Variants in SQSTM1 observed in about 807,000 individuals in gnomAD.
SQSTM1 encodes sequestosome-1.
In SQSTM1, 36 loss-of-function variants were observed where a neutral mutation model predicts 45.1. The observed-to-expected ratio is 0.80, with a 90% confidence interval of 0.61 to 1.05. The LOEUF (loss-of-function observed/expected upper bound fraction) is 1.05, where lower values mean the gene tolerates loss of function less well. Among genes scored for constraint, SQSTM1 ranks in the 50% least tolerant of loss-of-function variants. The pLI, the probability that SQSTM1 is intolerant of heterozygous loss-of-function variation, is 0.00. For synonymous variants in SQSTM1, 290 were observed against 244.3 expected, an observed-to-expected ratio of 1.19 and a Z score of -1.74; for missense variants, 617 against 607.1, an observed-to-expected ratio of 1.02 and a Z score of -0.17.
At position 179,806,534 on chromosome 5, in the gene SQSTM1, C is replaced by T; in HGVS notation, c.-214C>T. On this transcript the variant is annotated 5_prime_UTR_variant, in exon 1 of 6. Transcript: ENST00000514093. This position sits in a 1 kb window ranked among gnomAD's most constrained non-coding sequence, Gnocchi z 4.6. ...GTACCAGGACAGCGAGAGGAAGGCG[C>T]ACAGGCAGAAGAGCAGCAGCGTCAG... 2.2e-6 allele frequency: 3 copies of T among 1,339,000 alleles called. No homozygotes were observed. The highest frequency in any genetic ancestry group is 4.3e-5 in the East Asian group (1 of 23,468). 82.9% of individuals were successfully genotyped at this position (1,339,000 alleles called of 1,614,324 possible).
Position 179,833,165 on chromosome 5 carries a change from G to C in SQSTM1, c.888G>C (p.Pro296=), listed in dbSNP as rs148984239. 1.2e-6 allele frequency: 2 copies of C among 1,614,058 alleles called. No homozygotes were observed. The highest frequency in any genetic ancestry group is 1.7e-6 in the Non-Finnish European group (2 of 1,179,976). ...GCTGCTGCTCTGACCCCAGCAAGCC[G>C]GGTGGGAATGTTGAGGGCGCCACGC... ...PSSCCSDPSK[P]GGNVEGATQS... is the part of the protein sequence containing the mutation. Residue 296 remains proline, a synonymous_variant, in exon 6 of 8, where the codon CCG becomes CCC. Transcript: ENST00000389805.
chr5:179,827,679 A>T (rs973955689), intron 5 of SQSTM1, among the ~76,000 whole-genome samples: 2 of 152,244 alleles, frequency 1.3e-5, no homozygotes, highest in African/African-American at 4.8e-5. Context: ...CAAACAAGGA[A>T]TATTTCAGTA....
upstream of SQSTM1, among the ~76,000 whole-genome samples, chr5:179,819,338 GT>G (rs1757686435): frequency 1.4e-5 from 1 of 69,318 alleles, no homozygotes; most frequent in Admixed American, 1.6e-4. Context: ...CCCCCCCCCA[GT>G]CTCTTCACAT....
chr5:179,830,545 A>G (rs1256851299), intron 5 of SQSTM1, among the ~76,000 whole-genome samples: 2 of 146,412 alleles, frequency 1.4e-5, no homozygotes, highest in Non-Finnish European at 3.0e-5. Context: ...CTGTGCCTAG[A>G]TATTTTTTTT....
In SQSTM1 at chr5:179,834,021, A is replaced by G. The variant is rs183956614; in HGVS notation, c.1165+239A>G. 1.6e-3 allele frequency among the ~76,000 whole-genome samples: 241 copies of G among 152,130 alleles called. 1 individual carries two copies. The highest frequency in any genetic ancestry group is 2.8e-3 in the Non-Finnish European group (187 of 67,978). On this transcript the variant is annotated intron_variant, in intron 7 of 7. Transcript: ENST00000389805. ...CTTTAGGCAAACTCCAGAGCCAGGA[A>G]TATTAATTGTAGGAGTTTCTAAAAC...
intron 2 of SQSTM1, chr5:179,813,228 C>T (rs1757484178): frequency 6.6e-6 from 1 of 152,198 alleles, no homozygotes; most frequent in African/African-American, 2.4e-5. Flanking sequence ...ACATTGACCT[C>T]CTCACTGTCT....
intron 7 of SQSTM1, chr5:179,836,051 T>C (rs551358342): frequency 2.9e-6 from 1 of 340,382 alleles, no homozygotes; most frequent in Non-Finnish European, 5.7e-6. Context: ...CTTGTATCCA[T>C]TCATCTCTCT....
At chr5:179,809,934 G>A (rs1429086162) in intron 1 of SQSTM1, among the ~76,000 whole-genome samples, 1 of 151,512 alleles carries the variant, frequency 6.6e-6, no homozygotes, top group Non-Finnish European at 1.5e-5. Context: ...GTGAGCCACC[G>A]GCGGCGCCCA....
intron 5 of SQSTM1, among the ~76,000 whole-genome samples, chr5:179,829,814 C>T (rs1582015992): frequency 6.6e-6 from 1 of 152,144 alleles, no homozygotes; most frequent in African/African-American, 2.4e-5. Flanking sequence ...AGTTTCTTGG[C>T]ACCAGGCATG....
chr5:179,833,896 T>C (rs1004666702), intron 7 of SQSTM1, 114 bp downstream of exon 7: 1 of 1,178,842 alleles, frequency 8.5e-7, no homozygotes, highest in Non-Finnish European at 1.2e-6. Context: ...ACTGCAGGGC[T>C]GTCTGTAGGT....
intron 5 of SQSTM1, among the ~76,000 whole-genome samples, chr5:179,832,815 G>A (rs779058975): frequency 3.9e-5 from 6 of 152,070 alleles, no homozygotes; most frequent in East Asian, 3.9e-4. Flanking sequence ...GGTTTGTATC[G>A]TCTGGTCCCA....
At chr5:179,811,884 A>C (rs541022493) in intron 2 of SQSTM1, 1 of 152,266 alleles carries the variant, frequency 6.6e-6, no homozygotes, top group South Asian at 2.1e-4. Flanking sequence ...GGCTCACTGC[A>C]AGCTCCACCT....
In SQSTM1 at chr5:179,836,636, T is replaced by G. The variant is rs370200075; in HGVS notation, c.*43T>G. ...TTCTGCGTGCCCCTCTTCTGTCTCA[T>G]AGTTGTGTTAAGCTTGCGTAGAATT... On this transcript the variant is annotated 3_prime_UTR_variant, in exon 8 of 8. Coordinates refer to ENST00000389805, the MANE Select transcript of SQSTM1 (RefSeq NM_003900.5). 23 of 1,613,890 alleles carry G rather than the reference T, an allele frequency of 1.4e-5. No homozygotes were observed. Among genetic ancestry groups the G allele is most frequent in the Non-Finnish European group, 1.9e-5 (23 of 1,179,782 alleles).
chr5:179,837,934 GC>G lies in SQSTM1; in HGVS notation c.*1344del. 5 of 1,557,700 alleles carry G rather than the reference GC, an allele frequency of 3.2e-6. No homozygotes were observed. Among genetic ancestry groups the G allele is most frequent in the Non-Finnish European group, 4.3e-6 (5 of 1,153,314 alleles). ...CTCCATGTGTAAGAACAATGCCAGG[GC>G]CCAGGAGGACCGCCTGCCCTGCCTG... On this transcript the variant is annotated 3_prime_UTR_variant, in exon 8 of 8. Coordinates refer to ENST00000389805, the MANE Select transcript of SQSTM1 (RefSeq NM_003900.5).
intron 5 of SQSTM1, among the ~76,000 whole-genome samples, chr5:179,832,644 T>G (rs1313315628): frequency 6.6e-6 from 1 of 152,208 alleles, no homozygotes; most frequent in Non-Finnish European, 1.5e-5. Flanking sequence ...AAAGGTCTCT[T>G]TCGACTTTCT....
chr5:179,834,156 A>AGGGG (rs4011597), intron 7 of SQSTM1, among the ~76,000 whole-genome samples: 2 of 100,012 alleles, frequency 2.0e-5, no homozygotes, highest in Admixed American at 2.3e-4. Flanking sequence ...CTGGTCTGAG[A>AGGGG]GGGGGGGGGG....
Position 179,833,887 on chromosome 5 carries a change from C to T in SQSTM1, c.1165+105C>T, listed in dbSNP as rs1758368346. On this transcript the variant is annotated intron_variant, in intron 7 of 7. Coordinates refer to ENST00000389805, the MANE Select transcript of SQSTM1 (RefSeq NM_003900.5). ...AAACAGAAGGATGAGATGTTCTCCA[C>T]TGCAGGGCTGTCTGTAGGTGTGGGA... 8.6e-6 allele frequency: 11 copies of T among 1,282,706 alleles called. 1 individual carries two copies. Among genetic ancestry groups the T allele is most frequent in the Middle Eastern group, 2.4e-4 (1 of 4,136 alleles). The allele number at this position is 1,282,706 out of a possible 1,614,324, so 79.5% of individuals were successfully genotyped here. A position where few individuals can be genotyped will look rare whatever the true frequency, so the allele number is the denominator to read the frequency against.
At chr5:179,811,795 T>C (rs959977214) in intron 2 of SQSTM1, 4 of 152,170 alleles carry the variant, frequency 2.6e-5, no homozygotes, top group African/African-American at 4.8e-5. Flanking sequence ...TTGGTCTCCG[T>C]GGCCTTTTCC....
intron 2 of SQSTM1, among the ~76,000 whole-genome samples, chr5:179,823,372 G>A (rs533156240): frequency 2.3e-5 from 3 of 130,154 alleles, no homozygotes; most frequent in South Asian, 5.0e-4. Flanking sequence ...AGGCTGAGAC[G>A]AGAATCACTT....
Sources: gnomAD v4.1 joint callset for allele counts (sites outside exome capture counted in the v4.1 genomes callset) on GRCh38, gnomAD v4.1.1 for gene constraint, Gnocchi (gnomAD v3.1) non-coding constraint, MANE v1.5 for transcripts, NCBI Gene and HGNC (gene_info 2026-07-23, HGNC 2026-07-21) for gene names.